CACNA2D3: variants seen among roughly 807,000 people sequenced by gnomAD.
The protein encoded by CACNA2D3 is calcium voltage-gated channel auxiliary subunit alpha2delta 3, also known as voltage-dependent calcium channel subunit alpha-2/delta-3.
A neutral mutation model predicts 160.6 loss-of-function variants in CACNA2D3; 60 were observed. The observed-to-expected ratio is 0.37, with a 90% CI of 0.30 to 0.46. The LOEUF is 0.46. Among genes scored for constraint, CACNA2D3 ranks in the 20% least tolerant of loss-of-function variants. The pLI is 1.00. For missense variants in CACNA2D3, 1,205 were observed against 1,365.0 expected, an observed-to-expected ratio of 0.88 and a Z score of 1.85; for synonymous variants, 558 against 492.9, an observed-to-expected ratio of 1.13 and a Z score of -1.75.
intron 35 of CACNA2D3, among the ~76,000 whole-genome samples, chr3:55,032,177 G>A (rs1703701542): frequency 6.6e-6 from 1 of 152,136 alleles, no homozygotes; most frequent in East Asian, 1.9e-4. Flanking sequence ...CAATCTAACA[G>A]AGCCACTATG....
At chr3:54,854,176 G>A (rs1349853672) in intron 17 of CACNA2D3, among the ~76,000 whole-genome samples, 1 of 152,188 alleles carries the variant, frequency 6.6e-6, no homozygotes, top group Non-Finnish European at 1.5e-5. Context: ...TCAGAGGAGA[G>A]CGTTCTCTGA....
intron 9 of CACNA2D3, among the ~76,000 whole-genome samples, chr3:54,590,131 A>G (rs1702832092): frequency 6.6e-6 from 1 of 152,226 alleles, no homozygotes; most frequent in Non-Finnish European, 1.5e-5. Flanking sequence ...TATTTGTAAT[A>G]GCCTAGAACT....
At chr3:54,156,867 C>T (rs1296514551) in intron 2 of CACNA2D3, among the ~76,000 whole-genome samples, 2 of 152,178 alleles carry the variant, frequency 1.3e-5, no homozygotes, top group Non-Finnish European at 2.9e-5. Flanking sequence ...TGAGCCCTTC[C>T]CCAATTCCTG....
chr3:54,748,513 T>A (rs532297358), intron 11 of CACNA2D3, among the ~76,000 whole-genome samples: 158 of 152,284 alleles, frequency 1.0e-3, no homozygotes, highest in African/African-American at 3.6e-3. Context: ...TGTAGAACAT[T>A]TAAAGACCAT....
intron 11 of CACNA2D3, among the ~76,000 whole-genome samples, chr3:54,743,917 A>C: frequency 6.6e-6 from 1 of 152,126 alleles, no homozygotes; most frequent in East Asian, 1.9e-4. Flanking sequence ...CCAATCAACA[A>C]GTGTTTGAGT....
intron 17 of CACNA2D3, among the ~76,000 whole-genome samples, chr3:54,849,198 G>T (rs1699001500): frequency 6.6e-6 from 1 of 152,182 alleles, no homozygotes. Context: ...GGTTCTATGT[G>T]AGTCCTACCA....
intron 9 of CACNA2D3, among the ~76,000 whole-genome samples, chr3:54,614,259 A>C (rs1415210661): frequency 6.6e-6 from 1 of 152,230 alleles, no homozygotes; most frequent in Non-Finnish European, 1.5e-5. Flanking sequence ...GTGTCCTTGG[A>C]GGCCCCTTCC....
At position 54,337,117 on chromosome 3, in the gene CACNA2D3, C is replaced by T. The variant is rs563832883; in HGVS notation, c.321+16559C>T. On this transcript the variant is annotated intron_variant, in intron 3 of 37. Coordinates refer to ENST00000474759, the MANE Select transcript of CACNA2D3 (RefSeq NM_018398.3). ...ACAGACAGACAGAAATCCGCACACACGGTGGTAGGCAGATACGGCAAATGG... is the reference window on the plus strand; with the variant it reads ...ACAGACAGACAGAAATCCGCACACATGGTGGTAGGCAGATACGGCAAATGG... Among the ~76,000 whole-genome samples, 7 of 152,226 alleles carry T rather than the reference C, an allele frequency of 4.6e-5. No individual in the cohort carries two copies. The East Asian group carries it at 9.7e-4, about 21-fold the overall frequency.
Position 55,069,000 on chromosome 3 carries a change from C to T in CACNA2D3, c.2988-4445C>T, listed in dbSNP as rs576555214. Among the ~76,000 whole-genome samples the T allele has an allele frequency of 6.4e-4, 97 of 152,292 alleles. 2 individuals are homozygous for T. In the South Asian group the frequency reaches 0.019, roughly 30 times the overall value. ...AGTATTCATTTCTTCAGACTTTCTC[C>T]ATTATTTGATATTATCATAGACTTA... On this transcript the variant is annotated intron_variant, in intron 35 of 37. Coordinates refer to ENST00000474759, the MANE Select transcript of CACNA2D3 (RefSeq NM_018398.3).
intron 3 of CACNA2D3, among the ~76,000 whole-genome samples, chr3:54,338,241 G>C (rs780644559): frequency 5.3e-5 from 8 of 152,206 alleles, no homozygotes; most frequent in Non-Finnish European, 8.8e-5. Context: ...CTATGGCTTG[G>C]GTGATGGGTG....
intron 4 of CACNA2D3, among the ~76,000 whole-genome samples, chr3:54,452,209 G>A (rs1244806378): frequency 6.6e-6 from 1 of 152,200 alleles, no homozygotes; most frequent in African/African-American, 2.4e-5. Flanking sequence ...CATGGCAGAA[G>A]GCAAAGGAGA....
intron 4 of CACNA2D3, among the ~76,000 whole-genome samples, chr3:54,483,834 CAT>C (rs1700972256): frequency 6.6e-6 from 1 of 152,182 alleles, no homozygotes; most frequent in Non-Finnish European, 1.5e-5. Flanking sequence ...CTCATTCAAA[CAT>C]ATTCAGAACA....
chr3:54,196,828 G>C (rs1181972150), intron 2 of CACNA2D3, among the ~76,000 whole-genome samples: 1 of 152,148 alleles, frequency 6.6e-6, no homozygotes, highest in East Asian at 1.9e-4. Flanking sequence ...ATGCAGTTCT[G>C]CTGCCCTGCA....
At chr3:54,551,223 C>A (rs750232587) in intron 5 of CACNA2D3, among the ~76,000 whole-genome samples, 5 of 152,190 alleles carry the variant, frequency 3.3e-5, no homozygotes, top group Non-Finnish European at 7.3e-5. Flanking sequence ...CACCCCATGC[C>A]TCTGCGTTCT....
rs185463392 is a variant in CACNA2D3, at chr3:54,315,363, A to T, written c.205-5079A>T. Among the ~76,000 whole-genome samples, 5 of 152,368 alleles carry T rather than the reference A, an allele frequency of 3.3e-5. No individual in the cohort carries two copies. The East Asian group carries it at 9.6e-4, about 29-fold the overall frequency. ...CACATGTGACCTGATGGCTTGGAAC[A>T]GTCGTGTAAACTGCCGCAGCCCCTG... On this transcript the variant is annotated intron_variant, in intron 2 of 37. Coordinates refer to ENST00000474759, the MANE Select transcript of CACNA2D3 (RefSeq NM_018398.3).
intron 3 of CACNA2D3, among the ~76,000 whole-genome samples, chr3:54,364,306 A>G (rs1022532140): frequency 6.6e-6 from 1 of 152,276 alleles, no homozygotes; most frequent in Non-Finnish European, 1.5e-5. Context: ...CAACAGGGAC[A>G]TACGATTTTA....
At chr3:54,385,923 A>G (rs1198884082) in intron 3 of CACNA2D3, 1 of 509,358 alleles carries the variant, frequency 2.0e-6, no homozygotes, top group Non-Finnish European at 3.9e-6. Flanking sequence ...ATTTCACCAA[A>G]TGAGAGTTTT....
At chr3:54,218,231 C>T (rs1701498766) in intron 2 of CACNA2D3, among the ~76,000 whole-genome samples, 1 of 152,102 alleles carries the variant, frequency 6.6e-6, no homozygotes, top group Non-Finnish European at 1.5e-5. Flanking sequence ...ACTGTCACAC[C>T]CCAGGGGCTG....
At chr3:54,218,062 G>A (rs1411036569) in intron 2 of CACNA2D3, among the ~76,000 whole-genome samples, 2 of 152,128 alleles carry the variant, frequency 1.3e-5, no homozygotes, top group East Asian at 1.9e-4. Flanking sequence ...AGAGAGAGGT[G>A]CATTAGAGAG....
Sources: gnomAD v4.1 joint callset for allele counts (sites outside exome capture counted in the v4.1 genomes callset) on GRCh38, gnomAD v4.1.1 for gene constraint, MANE v1.5 for transcripts, NCBI Gene and HGNC (gene_info 2026-07-23, HGNC 2026-07-21) for gene names.